Variants in CR2 observed in about 807,000 individuals in gnomAD.
The protein encoded by CR2 is complement receptor type 2.
A neutral mutation model predicts 123.0 loss-of-function variants in CR2; 96 were observed. The ratio of observed to expected loss-of-function variants is 0.78; its 90% confidence interval spans 0.66 to 0.93. The LOEUF (loss-of-function observed/expected upper bound fraction) is 0.93. Among genes scored for constraint, CR2 ranks in the 40% least tolerant of loss-of-function variants. CR2 has a pLI of 0.00. For synonymous variants in CR2, 484 were observed against 469.5 expected, an observed-to-expected ratio of 1.03 and a Z score of -0.40; for missense variants, 1,258 against 1,361.0, an observed-to-expected ratio of 0.92 and a Z score of 1.19.
chr1:207,468,387 G>T (rs1159036603), intron 2 of CR2, 140 bp from the exon 3 acceptor site: 1 of 752,572 alleles, frequency 1.3e-6, no homozygotes, highest in African/African-American at 1.8e-5. Context: ...ATTAGTGTTA[G>T]CGTATATTAT....
At chr1:207,480,854 T>C (rs569245173) in intron 18 of CR2, among the ~76,000 whole-genome samples, 8 of 152,234 alleles carry the variant, frequency 5.3e-5, no homozygotes, top group African/African-American at 1.9e-4. Flanking sequence ...TACAATTTTA[T>C]AGGACTTTCC....
At chr1:207,486,437 G>A (rs1658752288) in intron 19 of CR2, among the ~76,000 whole-genome samples, 1 of 152,146 alleles carries the variant, frequency 6.6e-6, no homozygotes, top group Non-Finnish European at 1.5e-5. Flanking sequence ...ATCGTACAAA[G>A]TCTGCTATGT....
chr1:207,465,733 A>G (rs2102299991), intron 1 of CR2, among the ~76,000 whole-genome samples: 1 of 152,360 alleles, frequency 6.6e-6, no homozygotes, highest in South Asian at 2.1e-4. Context: ...AGACTCCCTC[A>G]GAAAAGGCGT....
Position 207,454,585 on chromosome 1 carries a change from C to G in CR2, c.58+109C>G, listed in dbSNP as rs954819252. The G allele has an allele frequency of 8.6e-6, 7 of 818,474 alleles. No homozygotes were observed. The highest frequency in any genetic ancestry group is 9.3e-6 in the Non-Finnish European group (5 of 538,266). 50.7% of individuals were successfully genotyped at this position (818,474 alleles called of 1,614,324 possible). A position where few individuals can be genotyped will look rare whatever the true frequency, so the allele number is the denominator to read the frequency against. On this transcript the variant is annotated intron_variant, in intron 1 of 19. Coordinates refer to ENST00000367057, the MANE Select transcript of CR2 (RefSeq NM_001006658.3). The surrounding 1 kb of genome is among the most constrained non-coding windows in gnomAD (Gnocchi z 4.3). The stretch of plus-strand genomic sequence containing the variant: ...AAAGCGAGACGGTGGGGGCAGTGCT[C>G]GACGCGTGTCCGCCTCCCGCTAGCT...
At chr1:207,468,469 T>C (rs1206265511) in intron 2 of CR2, 58 bp from the exon 3 acceptor site, 4 of 1,573,868 alleles carry the variant, frequency 2.5e-6, no homozygotes, top group African/African-American at 1.4e-5. Flanking sequence ...CCCTTGATTC[T>C]AGATTGTGAA....
At chr1:207,467,974 G>A (rs1366085085) in intron 2 of CR2, among the ~76,000 whole-genome samples, 2 of 151,784 alleles carry the variant, frequency 1.3e-5, no homozygotes, top group Non-Finnish European at 2.9e-5. Flanking sequence ...TTTTGGAACA[G>A]AGAATAAGCT....
intron 18 of CR2, among the ~76,000 whole-genome samples, chr1:207,483,064 C>T (rs907964702): frequency 3.3e-5 from 5 of 152,026 alleles, no homozygotes; most frequent in African/African-American, 1.2e-4. Context: ...GTGTTGGCCT[C>T]GGATGTTATG....
In CR2 at chr1:207,473,077, G is replaced by A. The variant is rs1286870398; in HGVS notation, c.1876G>A (p.Val626Met). Residue 626 changes from valine (V) to methionine (M), a missense_variant, in exon 10 of 20, where the codon GTG (valine) becomes ATG (methionine). Val to Met is a conservative substitution (Grantham distance 21). Transcript: ENST00000367057. ...AGCCCCATATTTCTACAATGACACT[G>A]TGACATTCAAGTGTTATAGTGGATT... The part of the protein sequence containing the change: ...KEAPYFYNDT[V>M]TFKCYSGFTL... 1.2e-6 allele frequency: 2 copies of A among 1,613,828 alleles called. No individual in the cohort carries two copies. Among genetic ancestry groups the A allele is most frequent in the Non-Finnish European group, 1.7e-6 (2 of 1,179,900 alleles).
intron 19 of CR2, among the ~76,000 whole-genome samples, chr1:207,487,206 G>C (rs781415530): frequency 2.0e-5 from 3 of 152,176 alleles, no homozygotes; most frequent in African/African-American, 4.8e-5. Context: ...GGAGGAGGGA[G>C]TGATCAACTC....
rs1657781832 is a variant in CR2, at chr1:207,454,561, A to G, written c.58+85A>G. 1.8e-6 allele frequency: 2 copies of G among 1,082,334 alleles called. No individual in the cohort carries two copies. The highest frequency in any genetic ancestry group is 3.2e-5 in the African/African-American group (2 of 62,208). 67.0% of individuals were successfully genotyped at this position (1,082,334 alleles called of 1,614,324 possible). ...GCCGCGATGCAAAGCAGGGGGCCAAAAGCGAGACGGTGGGGGCAGTGCTCG... is the reference window on the plus strand; with the variant it reads ...GCCGCGATGCAAAGCAGGGGGCCAAGAGCGAGACGGTGGGGGCAGTGCTCG... On this transcript the variant is annotated intron_variant, in intron 1 of 19. Coordinates refer to ENST00000367057, the MANE Select transcript of CR2 (RefSeq NM_001006658.3). This position sits in a 1 kb window ranked among gnomAD's most constrained non-coding sequence, Gnocchi z 4.3.
intron 2 of CR2, chr1:207,468,188 C>A: frequency 2.8e-6 from 1 of 356,908 alleles, no homozygotes; most frequent in Non-Finnish European, 5.3e-6. Flanking sequence ...CAACTGGCTA[C>A]CATAGATCAT....
In CR2 at chr1:207,458,317, A is replaced by G. The variant is rs541258600; in HGVS notation, c.58+3841A>G. 2.0e-5 allele frequency among the ~76,000 whole-genome samples: 3 copies of G among 151,814 alleles called. No homozygotes were observed. In the South Asian group the frequency reaches 6.3e-4, roughly 32 times the overall value. On this transcript the variant is annotated intron_variant, in intron 1 of 19. Coordinates refer to ENST00000367057, the MANE Select transcript of CR2 (RefSeq NM_001006658.3). ...GCCCTAAACTGTACTCTTTGCTTCT[A>G]AAAGTAAGCAGTTCGATCCACTCTC...
chr1:207,469,123 T>A (rs200630015), intron 4 of CR2, 27 bp from the exon 5 acceptor site: 41 of 1,602,148 alleles, frequency 2.6e-5, no homozygotes, highest in Non-Finnish European at 8.6e-6. Flanking sequence ...TGCCTAATAG[T>A]TCTGAATGAC....
rs550305598 is a variant in CR2 at position 207,486,417 on chromosome 1, C to T, written c.*18+845C>T. Among the ~76,000 whole-genome samples the T allele has an allele frequency of 2.9e-4, 44 of 151,788 alleles. No individual in the cohort carries two copies. In the South Asian group the frequency reaches 7.3e-3, roughly 25 times the overall value. On this transcript the variant is annotated intron_variant, in intron 19 of 19. Coordinates refer to ENST00000367057, the MANE Select transcript of CR2 (RefSeq NM_001006658.3). ...CACAGAGATGGGGGTGGGATGTGGG[C>T]GAGAGGATGATCGTACAAAGTCTGC...
In CR2 at chr1:207,454,521, A is replaced by G; in HGVS notation, c.58+45A>G. 1.4e-6 allele frequency: 2 copies of G among 1,422,558 alleles called. No homozygotes were observed. Among genetic ancestry groups the G allele is most frequent in the African/African-American group, 1.4e-5 (1 of 70,098 alleles). 88.1% of individuals were successfully genotyped at this position (1,422,558 alleles called of 1,614,324 possible). A position where few individuals can be genotyped will look rare whatever the true frequency, so the allele number is the denominator to read the frequency against. On this transcript the variant is annotated intron_variant, in intron 1 of 19. Coordinates refer to ENST00000367057, the MANE Select transcript of CR2 (RefSeq NM_001006658.3). This position sits in a 1 kb window ranked among gnomAD's most constrained non-coding sequence, Gnocchi z 4.3. Reference sequence around the variant, plus strand: ...ACGGAGGTGGGGACGCGTCCCGGGCAGGGAAAGTTTCTGTGCCGCGATGCA... The same window carrying G: ...ACGGAGGTGGGGACGCGTCCCGGGCGGGGAAAGTTTCTGTGCCGCGATGCA...
intron 1 of CR2, among the ~76,000 whole-genome samples, chr1:207,458,856 G>T (rs1287935098): frequency 6.6e-6 from 1 of 152,036 alleles, no homozygotes; most frequent in African/African-American, 2.4e-5. Flanking sequence ...TTCTATGAGG[G>T]TGGGAACCTT....
chr1:207,481,148 T>C (rs943963572), intron 18 of CR2, among the ~76,000 whole-genome samples: 5 of 152,124 alleles, frequency 3.3e-5, no homozygotes, highest in Non-Finnish European at 7.4e-5. Context: ...TATTTTTGCA[T>C]ATTATTTTTA....
intron 17 of CR2, among the ~76,000 whole-genome samples, chr1:207,479,745 C>A (rs986003160): frequency 2.0e-5 from 3 of 152,194 alleles, no homozygotes; most frequent in Admixed American, 2.0e-4. Context: ...GAAAAGTTGA[C>A]TGGAACCTTG....
rs766671758 is a variant in CR2 at position 207,475,018 on chromosome 1, C to T, written c.2518C>T (p.Arg840Ter). The change falls in exon 14 of 20, where the codon CGA (arginine) becomes TGA (stop). Residue 840 changes from arginine (R) to a stop codon, truncating the protein, a stop_gained. Transcript: ENST00000367057. LOFTEE classifies it high-confidence loss of function. ...GAGCGGGCCTTCCCCACAGTGCTTA[C>T]GATCTCCTCCTGTGACTCGCTGCCC... ...SWSGPSPQCL[R>*]SPPVTRCPNP... The T allele has an allele frequency of 1.2e-5, 20 of 1,613,982 alleles. No individual in the cohort carries two copies. Among genetic ancestry groups the T allele is most frequent in the Middle Eastern group, 1.6e-4 (1 of 6,082 alleles).
Sources: allele counts gnomAD v4.1 joint callset (sites outside exome capture counted in the v4.1 genomes callset), GRCh38; gene constraint gnomAD v4.1.1; non-coding constraint Gnocchi (gnomAD v3.1); transcripts MANE v1.5; gene names NCBI Gene and HGNC (gene_info 2026-07-23, HGNC 2026-07-21).